The following MIB1 variants were observed in gnomAD, a reference collection of about 807,000 sequenced individuals.
MIB1 encodes the protein MIB E3 ubiquitin protein ligase 1, also known as E3 ubiquitin-protein ligase MIB1.
Under a neutral mutation model 124.5 loss-of-function variants are expected in MIB1, and 278 were observed. The ratio of observed to expected loss-of-function variants is 2.23; its 90% CI spans 2.02 to 2.47. The LOEUF is 2.47. MIB1 is among the 30% of genes most tolerant of loss of function. The pLI is 0.00. For missense variants in MIB1, 957 were observed against 1,254.4 expected (o/e 0.76, Z 3.58); for synonymous variants, 446 against 429.4 (o/e 1.04, Z -0.48).
chr18:21,804,506 C>G (rs2041682734), intron 10 of MIB1, among the ~76,000 whole-genome samples: 1 of 152,192 alleles, frequency 6.6e-6, no homozygotes, highest in South Asian at 2.1e-4. Context: ...ATATATGCTT[C>G]ATTTAATTTA....
chr18:21,808,462 C>G (rs2041733121), intron 10 of MIB1, among the ~76,000 whole-genome samples: 1 of 152,076 alleles, frequency 6.6e-6, no homozygotes, highest in Non-Finnish European at 1.5e-5. Flanking sequence ...ACTTTCTGGC[C>G]CTTCACAGAA....
chr18:21,773,731 A>C lies in MIB1; in HGVS notation c.636+3A>C. 2 of 1,568,668 alleles carry C rather than the reference A, an allele frequency of 1.3e-6. No homozygotes were observed. Among genetic ancestry groups the C allele is most frequent in the Non-Finnish European group, 1.7e-6 (2 of 1,154,542 alleles). ...ACAGAGTTGGCTTTGAGGGCATGGT[A>C]AGTAGTGAAGAGCCATAGCAGGTGA... is the stretch of plus-strand genomic sequence containing the variant. On this transcript the variant is annotated splice_donor_region_variant and intron_variant, in intron 4 of 20. Coordinates refer to ENST00000261537, the MANE Select transcript of MIB1 (RefSeq NM_020774.4).
rs1325146208 is a variant in MIB1 at position 21,815,760 on chromosome 18, C to A, written c.1624C>A (p.His542Asn). Reference sequence around the variant, plus strand: ...ACTTCATATTGCTGTCAATAAAGGTCATCTTCAAGTTGTGAAGACTTTATT... The same window carrying A: ...ACTTCATATTGCTGTCAATAAAGGTAATCTTCAAGTTGTGAAGACTTTATT... ...TPLHIAVNKG[H>N]LQVVKTLLDF... is the part of the protein sequence containing the mutation. The change falls in exon 11 of 21, where the codon CAT (histidine) becomes AAT (asparagine). Residue 542 changes from histidine to asparagine, a missense_variant. Transcript: ENST00000261537. 1.9e-6 allele frequency: 3 copies of A among 1,613,990 alleles called. No individual in the cohort carries two copies. The highest frequency in any genetic ancestry group is 2.5e-6 in the Non-Finnish European group (3 of 1,180,016).
intron 12 of MIB1, chr18:21,829,393 C>T: frequency 5.9e-6 from 1 of 168,180 alleles, no homozygotes. Flanking sequence ...TAAGATCAGC[C>T]TAGTGTTTCT....
intron 6 of MIB1, among the ~76,000 whole-genome samples, chr18:21,786,704 C>G (rs968334803): frequency 6.6e-6 from 1 of 152,070 alleles, no homozygotes; most frequent in Non-Finnish European, 1.5e-5. Context: ...TTTTTTTCCA[C>G]TGCTTAATTT....
At chr18:21,789,291 C>CT (rs1323720479) in intron 6 of MIB1, among the ~76,000 whole-genome samples, 1 of 151,908 alleles carries the variant, frequency 6.6e-6, no homozygotes, top group Non-Finnish European at 1.5e-5. Flanking sequence ...CCCTGTGAGT[C>CT]TGTGTTTCTT....
chr18:21,736,545 AGGTC>A (rs1227145081), upstream of MIB1, among the ~76,000 whole-genome samples: 1 of 152,226 alleles, frequency 6.6e-6, no homozygotes, highest in African/African-American at 2.4e-5. Flanking sequence ...AGGCTTCAGA[AGGTC>A]AGTAATAACA....
intron 12 of MIB1, among the ~76,000 whole-genome samples, chr18:21,822,275 A>G (rs1247339291): frequency 6.6e-6 from 1 of 152,234 alleles, no homozygotes; most frequent in Non-Finnish European, 1.5e-5. Flanking sequence ...GGAAACAAGT[A>G]TCTTTTAAAT....
chr18:21,723,554 C>T (rs1210675182), intron 1 of MIB1, among the ~76,000 whole-genome samples: 8 of 151,808 alleles, frequency 5.3e-5, no homozygotes, highest in South Asian at 2.1e-4. Context: ...CTTTCTCTGT[C>T]GCCCAGGCTG....
chr18:21,811,707 A>G (rs1021253976), intron 10 of MIB1, among the ~76,000 whole-genome samples: 30 of 152,096 alleles, frequency 2.0e-4, no homozygotes, highest in African/African-American at 6.0e-4. Flanking sequence ...ATGGGGGGGT[A>G]GGAGGAATAG....
At chr18:21,843,738 G>T (rs997723620) in intron 14 of MIB1, among the ~76,000 whole-genome samples, 1 of 152,094 alleles carries the variant, frequency 6.6e-6, no homozygotes, top group Non-Finnish European at 1.5e-5. Context: ...ATTATGATTT[G>T]GTCCTGGTGG....
At position 21,866,907 on chromosome 18, in the gene MIB1, G is replaced by A. The variant is rs1650408789; in HGVS notation, c.*2241G>A. 6.6e-6 allele frequency: 1 copy of A among 152,264 alleles called. No homozygotes were observed. 9.4% of individuals were successfully genotyped at this position (152,264 alleles called of 1,614,324 possible). A position where few individuals can be genotyped will look rare whatever the true frequency, so the allele number is the denominator to read the frequency against. On this transcript the variant is annotated 3_prime_UTR_variant, in exon 21 of 21. Transcript: ENST00000261537. ...CTTAGAATTATTTTAAATTTATTTT[G>A]GGTTTGTGAGAGATAATAAGATTAA... is the stretch of plus-strand genomic sequence containing the variant.
At chr18:21,764,684 C>T (rs973706010) in intron 1 of MIB1, among the ~76,000 whole-genome samples, 5 of 151,956 alleles carry the variant, frequency 3.3e-5, no homozygotes, top group African/African-American at 9.7e-5. Context: ...CTTGTTTTAC[C>T]TAAATCCCAC....
chr18:21,724,113 A>G (rs946264391), intron 1 of MIB1: 1 of 152,744 alleles, frequency 6.5e-6, no homozygotes, highest in East Asian at 1.9e-4. Flanking sequence ...GTAACATTCT[A>G]TCTGTGGCTG....
chr18:21,821,200 T>G (rs2041874636), intron 12 of MIB1, among the ~76,000 whole-genome samples: 2 of 152,214 alleles, frequency 1.3e-5, no homozygotes, highest in South Asian at 4.1e-4. Flanking sequence ...TTTTCTTGAT[T>G]TAAATTTTAT....
At chr18:21,739,810 A>T (rs569982752), upstream of MIB1, among the ~76,000 whole-genome samples, 2 of 151,994 alleles carry the variant, frequency 1.3e-5, no homozygotes, top group South Asian at 4.2e-4. Context: ...AGCTACTCAG[A>T]AGGCTGAGGT....
chr18:21,769,085 C>T (rs1270144883), intron 3 of MIB1, among the ~76,000 whole-genome samples: 3 of 152,152 alleles, frequency 2.0e-5, no homozygotes, highest in African/African-American at 7.2e-5. Flanking sequence ...ATTTAAATTT[C>T]ATTTGAATTG....
At chr18:21,743,721 A>T (rs16945659) in intron 1 of MIB1, among the ~76,000 whole-genome samples, 1 of 151,766 alleles carries the variant, frequency 6.6e-6, no homozygotes, top group African/African-American at 2.4e-5. Flanking sequence ...TCTGACCACA[A>T]CCCTTATTTG....
chr18:21,754,557 G>T (rs2041009928), intron 1 of MIB1, among the ~76,000 whole-genome samples: 1 of 152,078 alleles, frequency 6.6e-6, no homozygotes, highest in South Asian at 2.1e-4. Flanking sequence ...TGGCCCCAAA[G>T]CTGAAGAGCG....
Sources: allele counts gnomAD v4.1 joint callset (sites outside exome capture counted in the v4.1 genomes callset), GRCh38; gene constraint gnomAD v4.1.1; transcripts MANE v1.5; gene names NCBI Gene and HGNC (gene_info 2026-07-23, HGNC 2026-07-21).